OTOGL: variants seen among roughly 807,000 people sequenced by gnomAD.
OTOGL encodes otogelin-like protein.
OTOGL carries 285 observed loss-of-function variants against 318.5 expected under a neutral mutation model. The ratio of observed to expected loss-of-function variants is 0.89; its 90% CI spans 0.81 to 0.99. OTOGL has a LOEUF of 0.99. Ranked by LOEUF, OTOGL falls within the 50% of genes least tolerant of loss-of-function variation. The probability of loss-of-function intolerance (pLI) is 0.00; values close to 1 mark genes in which losing one functional copy is unlikely to be tolerated. For synonymous variants in OTOGL, 987 were observed against 936.5 expected (o/e 1.05, Z -0.99); for missense variants, 2,899 against 2,845.6 (o/e 1.02, Z -0.43).
intron 1 of OTOGL, among the ~76,000 whole-genome samples, chr12:80,113,423 C>T (rs1301292224): frequency 1.3e-5 from 2 of 152,128 alleles, no homozygotes; most frequent in African/African-American, 2.4e-5. Context: ...ACTGCTTTAG[C>T]TGTGTTCCAG....
At chr12:80,303,145 C>A (rs931688694) in intron 28 of OTOGL, among the ~76,000 whole-genome samples, 1 of 152,232 alleles carries the variant, frequency 6.6e-6, no homozygotes, top group Admixed American at 6.5e-5. Flanking sequence ...AGTTTACATG[C>A]AGTAAAATTA....
chr12:80,305,694 A>G lies in OTOGL; in HGVS notation c.3332A>G (p.Gln1111Arg), dbSNP rs1886064385. The G allele has an allele frequency of 1.3e-6, 2 of 1,531,884 alleles. No homozygotes were observed. The highest frequency in any genetic ancestry group is 1.7e-6 in the Non-Finnish European group (2 of 1,152,972). 94.9% of individuals were successfully genotyped at this position (1,531,884 alleles called of 1,614,324 possible). Residue 1111 changes from glutamine (Q) to arginine (R), a missense_variant and splice_region_variant, in exon 29 of 59, where the codon CAG (glutamine) becomes CGG (arginine). Physicochemically the swap from Gln to Arg is conservative, Grantham distance 43. This residue lies in a region of OTOGL where 2,607 missense variants were observed against 2,524.9 expected (regional missense o/e 1.03). Transcript: ENST00000547103. ...RVFGDSWALG[Q>R]CESPDETIKP... ...TTTGGAGATAGTTGGGCATTAGGAC[A>G]GGTAAGTTACATAAATGTATTTTAG...
In OTOGL at chr12:80,358,303, A is replaced by T; in HGVS notation, c.6075A>T (p.Thr2025=). ...VPLCHDGEFL[T]VDLNSTHFCC... ...TATGTCATGATGGGGAATTTCTCAC[A>T]GTAGATCTTAATAGCACACACTTCT... Residue 2025 remains threonine (T), a synonymous_variant, in exon 50 of 59, where the codon ACA becomes ACT. Transcript: ENST00000547103. The T allele has an allele frequency of 2.5e-6, 4 of 1,611,548 alleles. No homozygotes were observed. The highest frequency in any genetic ancestry group is 2.5e-6 in the Non-Finnish European group (3 of 1,178,354).
intron 37 of OTOGL, among the ~76,000 whole-genome samples, chr12:80,332,506 A>G (rs910319665): frequency 1.3e-5 from 2 of 152,148 alleles, no homozygotes; most frequent in African/African-American, 4.8e-5. Flanking sequence ...GGTCACTCCT[A>G]AACCACACCC....
chr12:80,353,958 T>C lies in OTOGL; in HGVS notation c.5593+448T>C, dbSNP rs185320021. On this transcript the variant is annotated intron_variant, in intron 46 of 58. Transcript: ENST00000547103. ...ATGGTGCCTTGAGAAAGTAAGCATGTAAGAAATGGCAGATGGTACTATTAT... is the reference window on the plus strand; with the variant it reads ...ATGGTGCCTTGAGAAAGTAAGCATGCAAGAAATGGCAGATGGTACTATTAT... Among the ~76,000 whole-genome samples the C allele has an allele frequency of 6.7e-3, 1,023 of 152,300 alleles. 2 individuals are homozygous for C. The highest frequency in any genetic ancestry group is 1.0e-2 in the Non-Finnish European group (678 of 68,036).
intron 7 of OTOGL, among the ~76,000 whole-genome samples, chr12:80,227,452 T>C (rs1878963532): frequency 6.6e-6 from 1 of 152,194 alleles, no homozygotes; most frequent in Non-Finnish European, 1.5e-5. Flanking sequence ...GTCGCAGACT[T>C]TCATCAAATG....
chr12:80,106,124 T>A (rs1387543194), intron 1 of OTOGL, among the ~76,000 whole-genome samples: 3 of 152,206 alleles, frequency 2.0e-5, no homozygotes, highest in South Asian at 2.1e-4. Context: ...TCCAAAGCCA[T>A]TGTGCCCCAT....
intron 1 of OTOGL, among the ~76,000 whole-genome samples, chr12:80,110,083 T>A (rs1869740132): frequency 6.8e-6 from 1 of 147,952 alleles, no homozygotes; most frequent in Non-Finnish European, 1.5e-5. Flanking sequence ...TTTTTTTTTT[T>A]TTTGAGACGG....
intron 1 of OTOGL, among the ~76,000 whole-genome samples, chr12:80,140,959 A>T (rs10746151): frequency 0.6 from 91,634 of 151,978 alleles, 28,234 homozygotes; most frequent in African/African-American, 0.73. Flanking sequence ...CTTACCAAAT[A>T]TACCTTCAGA....
chr12:80,253,680 A>G (rs1401992705), intron 14 of OTOGL, 106 bp downstream of exon 14: 6 of 840,966 alleles, frequency 7.1e-6, no homozygotes, highest in Non-Finnish European at 7.3e-6. Context: ...TTACTTCCCA[A>G]ATTCCAACAC....
intron 11 of OTOGL, among the ~76,000 whole-genome samples, chr12:80,249,433 G>T (rs983095707): frequency 2.8e-4 from 42 of 151,478 alleles, no homozygotes; most frequent in African/African-American, 1.0e-3. Flanking sequence ...CGTGTGAGGT[G>T]TCAGTGTGCC....
rs1882978314 is a variant in OTOGL, at chr12:80,266,526, C to A, written c.2300C>A (p.Ser767Tyr). The change falls in exon 21 of 59, where the codon TCC becomes TAC. Residue 767 changes from serine to tyrosine, a missense_variant. Physicochemically the swap from Ser to Tyr is moderately radical, Grantham distance 144 (BLOSUM62 -2). This residue lies in a region of OTOGL where 2,607 missense variants were observed against 2,524.9 expected (regional missense o/e 1.03). Transcript: ENST00000547103. ...FCLHSCISLS[S>Y]PEQCSDDCAE... is the part of the protein sequence containing the mutation. ...CTCCATTCCTGCATTTCTCTCTCTT[C>A]CCCGGAGCAGTGCAGTGATGACTGT... 1 of 1,613,254 alleles carries A rather than the reference C, an allele frequency of 6.2e-7. No homozygotes were observed. Among genetic ancestry groups the A allele is most frequent in the Admixed American group, 1.7e-5 (1 of 59,852 alleles).
chr12:80,353,045 T>G (rs1277279797), intron 45 of OTOGL, among the ~76,000 whole-genome samples: 2 of 152,202 alleles, frequency 1.3e-5, no homozygotes. Flanking sequence ...TGCCTGTTGG[T>G]GATATTTATT....
intron 5 of OTOGL, 22 bp from the exon 6 acceptor site, chr12:80,219,790 CTT>C (rs71717494): frequency 2.4e-3 from 2,849 of 1,182,622 alleles, no homozygotes; most frequent in Admixed American, 5.5e-3. Flanking sequence ...CAGAAGATAA[CTT>C]TTTTTTTTTT....
In OTOGL at chr12:80,230,967, G is replaced by A. The variant is rs535665901; in HGVS notation, c.611+1589G>A. Among the ~76,000 whole-genome samples, 26 of 152,122 alleles carry A rather than the reference G, an allele frequency of 1.7e-4. No homozygotes were observed. In the South Asian group the frequency reaches 5.4e-3, roughly 32 times the overall value. ...AAACTATTATTTCCCATCTCCACTG[G>A]CATCCTTCTGTGTTATAAACTTCAG... On this transcript the variant is annotated intron_variant, in intron 8 of 58. Coordinates refer to ENST00000547103, the MANE Select transcript of OTOGL (RefSeq NM_001378609.3).
chr12:80,115,757 A>G (rs1870120555), intron 1 of OTOGL, among the ~76,000 whole-genome samples: 1 of 152,148 alleles, frequency 6.6e-6, no homozygotes, highest in Non-Finnish European at 1.5e-5. Context: ...CCCAGAGAAA[A>G]GGAATCTAGA....
chr12:80,242,666 C>T (rs971457351), intron 11 of OTOGL, among the ~76,000 whole-genome samples: 1 of 152,034 alleles, frequency 6.6e-6, no homozygotes, highest in Non-Finnish European at 1.5e-5. Context: ...CAACACACAT[C>T]TTTTGAGTAT....
intron 1 of OTOGL, among the ~76,000 whole-genome samples, chr12:80,120,338 C>A (rs1460334306): frequency 6.6e-6 from 1 of 151,996 alleles, no homozygotes; most frequent in African/African-American, 2.4e-5. Context: ...TATGCTGAAT[C>A]CTAGCTGGGT....
At chr12:80,263,263 ACTC>A (rs1882692977) in intron 19 of OTOGL, among the ~76,000 whole-genome samples, 2 of 150,204 alleles carry the variant, frequency 1.3e-5, no homozygotes, top group South Asian at 4.3e-4. Context: ...CAACTAATCT[ACTC>A]CTCCTCCTTC....
Sources: allele counts gnomAD v4.1 joint callset (sites outside exome capture counted in the v4.1 genomes callset), GRCh38; gene constraint gnomAD v4.1.1; regional missense constraint gnomAD v4.1.1; transcripts MANE v1.5; gene names NCBI Gene and HGNC (gene_info 2026-07-23, HGNC 2026-07-21).